The following CREBBP variants were observed in gnomAD, a reference collection of about 807,000 sequenced individuals.
CREBBP encodes the protein CREB binding lysine acetyltransferase, also known as CREB-binding protein.
CREBBP carries 19 observed loss-of-function variants against 265.0 expected under a neutral mutation model. The observed-to-expected ratio is 0.07, with a 90% confidence interval of 0.05 to 0.11. The LOEUF is 0.11. Ranked by LOEUF, CREBBP falls within the 10% of genes least tolerant of loss-of-function variation. The pLI is 1.00. For missense variants in CREBBP, 2,525 were observed against 3,219.0 expected, an observed-to-expected ratio of 0.78 and a Z score of 5.22; for synonymous variants, 1,457 against 1,223.7, an observed-to-expected ratio of 1.19 and a Z score of -3.98.
Position 3,773,805 on chromosome 16 carries a change from G to A in CREBBP, c.2409C>T (p.Ser803=), listed in dbSNP as rs139207930. 654 of 1,613,250 alleles carry A rather than the reference G, an allele frequency of 4.1e-4. 1 individual carries two copies. The highest frequency in any genetic ancestry group is 1.8e-4 in the Middle Eastern group (1 of 5,458). Residue 803 remains serine (S), a synonymous_variant, in exon 13 of 31, where the codon AGC becomes AGT. Transcript: ENST00000262367. ...GCCCCATGCCCACACTCATCGCCCCGCTGGATGACGGGAACTGGTTCTGTG... is the reference window on the plus strand; with the variant it reads ...GCCCCATGCCCACACTCATCGCCCCACTGGATGACGGGAACTGGTTCTGTG... ...FLPQNQFPSS[S]GAMSVGMGQP...
chr16:3,863,588 C>T (rs2055119800), intron 1 of CREBBP, among the ~76,000 whole-genome samples: 1 of 152,022 alleles, frequency 6.6e-6, no homozygotes, highest in East Asian at 1.9e-4. Flanking sequence ...GGTGACAGAG[C>T]AAGATTCTGT....
chr16:3,849,859 C>T (rs920335569), intron 2 of CREBBP, among the ~76,000 whole-genome samples: 1 of 152,120 alleles, frequency 6.6e-6, no homozygotes, highest in Non-Finnish European at 1.5e-5. Flanking sequence ...GGCTCTGCCA[C>T]CTCTTCCTTG....
intron 2 of CREBBP, among the ~76,000 whole-genome samples, chr16:3,834,462 T>C (rs999756136): frequency 2.6e-5 from 4 of 152,128 alleles, no homozygotes; most frequent in African/African-American, 9.7e-5. Context: ...ACACACTGTG[T>C]GACTGTAACT....
In CREBBP at chr16:3,791,604, G is replaced by A. The variant is rs1375156949; in HGVS notation, c.1330+377C>T. Among the ~76,000 whole-genome samples the A allele has an allele frequency of 9.2e-5, 14 of 152,288 alleles. 1 individual carries two copies. Among genetic ancestry groups the A allele is most frequent in the Middle Eastern group, 3.4e-3 (1 of 294 alleles). On this transcript the variant is annotated intron_variant, in intron 5 of 30. Coordinates refer to ENST00000262367, the MANE Select transcript of CREBBP (RefSeq NM_004380.3). ...GTATCCCCTCTATCCCCCTCCCTAAGACGTCACTGCCATTATAGCGACATG... is the reference window on the plus strand; with the variant it reads ...GTATCCCCTCTATCCCCCTCCCTAAAACGTCACTGCCATTATAGCGACATG...
chr16:3,729,954 G>A (rs1261656379), intron 30 of CREBBP, 80 bp from the exon 31 acceptor site: 13 of 1,563,256 alleles, frequency 8.3e-6, no homozygotes, highest in South Asian at 5.8e-5. Context: ...TCCCTCCACC[G>A]CTAAGTCTGG....
At chr16:3,832,235 A>G (rs1040393957) in intron 2 of CREBBP, among the ~76,000 whole-genome samples, 4 of 152,176 alleles carry the variant, frequency 2.6e-5, no homozygotes, top group African/African-American at 4.8e-5. Context: ...GGATCGCTTC[A>G]CTGGTGAATT....
intron 16 of CREBBP, among the ~76,000 whole-genome samples, chr16:3,762,894 C>A (rs1433237701): frequency 6.6e-6 from 1 of 152,050 alleles, no homozygotes; most frequent in African/African-American, 2.4e-5. Flanking sequence ...CCTGCCTCAG[C>A]CTCCCGAGTC....
intron 2 of CREBBP, among the ~76,000 whole-genome samples, chr16:3,826,278 G>C (rs2054235266): frequency 1.3e-5 from 2 of 152,188 alleles, no homozygotes; most frequent in South Asian, 2.1e-4. Context: ...TGTTAAAATT[G>C]ATTTCATTTA....
intron 14 of CREBBP, 80 bp from the exon 15 acceptor site, chr16:3,769,433 CA>C: frequency 6.5e-7 from 1 of 1,532,990 alleles, no homozygotes; most frequent in South Asian, 1.1e-5. Context: ...ATGCAACCTA[CA>C]ATTTCCCATT....
In CREBBP at chr16:3,760,695, T is replaced by G. The variant is rs1014181686; in HGVS notation, c.3251-1723A>C. On this transcript the variant is annotated intron_variant, in intron 16 of 30. Coordinates refer to ENST00000262367, the MANE Select transcript of CREBBP (RefSeq NM_004380.3). ...CTGGGATTACAGGCATGAGCCACTG[T>G]ACCCAGCCATCATGCCCATCTCATT... Among the ~76,000 whole-genome samples the G allele has an allele frequency of 4.6e-5, 7 of 152,086 alleles. No homozygotes were observed. In the East Asian group the frequency reaches 1.4e-3, roughly 29 times the overall value.
rs2051826378 is a variant in CREBBP, at chr16:3,728,839, G to A, written c.6208C>T (p.Leu2070=). The A allele has an allele frequency of 6.2e-7, 1 of 1,613,448 alleles. No individual in the cohort carries two copies. The highest frequency in any genetic ancestry group is 1.7e-5 in the Admixed American group (1 of 60,034). ...CTGGGCGACTTCAGGGTCCGCAGCAGGTCTTGCAGAGCGCTGGGTGAGATG... is the reference window on the plus strand; with the variant it reads ...CTGGGCGACTTCAGGGTCCGCAGCAAGTCTTGCAGAGCGCTGGGTGAGATG... ...RSISPSALQD[L]LRTLKSPSSP... is the part of the protein sequence containing the mutation. Residue 2070 remains leucine, a synonymous_variant, in exon 31 of 31, where the codon CTG becomes TTG. Transcript: ENST00000262367. This position sits in a 1 kb window ranked among gnomAD's most constrained non-coding sequence, Gnocchi z 8.7.
At chr16:3,734,736 C>T (rs765356818) in intron 28 of CREBBP, among the ~76,000 whole-genome samples, 17 of 152,096 alleles carry the variant, frequency 1.1e-4, no homozygotes, top group Non-Finnish European at 1.6e-4. Context: ...TCTGGGGCGC[C>T]GTCCAGCAGG....
intron 19 of CREBBP, among the ~76,000 whole-genome samples, chr16:3,756,174 G>A (rs768003181): frequency 2.0e-5 from 3 of 151,960 alleles, no homozygotes; most frequent in Non-Finnish European, 4.4e-5. Context: ...AATAAAAAAC[G>A]CCAAACCCCA....
chr16:3,825,341 C>T (rs2054217182), intron 2 of CREBBP, among the ~76,000 whole-genome samples: 1 of 152,222 alleles, frequency 6.6e-6, no homozygotes, highest in African/African-American at 2.4e-5. Context: ...CCTGCAATCA[C>T]ACTACTTCAG....
intron 16 of CREBBP, among the ~76,000 whole-genome samples, chr16:3,759,253 T>G: frequency 6.6e-6 from 1 of 152,144 alleles, no homozygotes; most frequent in East Asian, 1.9e-4. Context: ...AAAGTAAAGC[T>G]AACTCCCAAA....
rs374702889 is a variant in CREBBP, at chr16:3,831,110, C to T, written c.798+19187G>A. On this transcript the variant is annotated intron_variant, in intron 2 of 30. Transcript: ENST00000262367. ...TTTCAAGTATAGATAGAATATTTGT[C>T]AAGAAAAACCATTTGCTGGGCCGTA... Among the ~76,000 whole-genome samples, 7 of 152,196 alleles carry T rather than the reference C, an allele frequency of 4.6e-5. No individual in the cohort carries two copies. In the East Asian group the frequency reaches 1.2e-3, roughly 25 times the overall value.
intron 2 of CREBBP, among the ~76,000 whole-genome samples, chr16:3,828,700 C>T (rs182062593): frequency 2.2e-4 from 34 of 152,014 alleles, no homozygotes; most frequent in Middle Eastern, 3.4e-3. Context: ...ATGATGCAGT[C>T]GAAAAAAATA....
rs375500530 is a variant in CREBBP at position 3,758,462 on chromosome 16, A to C, written c.3369+392T>G. 3.3e-5 allele frequency among the ~76,000 whole-genome samples: 5 copies of C among 152,346 alleles called. No individual in the cohort carries two copies. The East Asian group carries it at 7.7e-4, about 24-fold the overall frequency. On this transcript the variant is annotated intron_variant, in intron 17 of 30. Transcript: ENST00000262367. ...AAATATAAACACAAAGCTAGTAATG[A>C]CTGCTACATAGAATCGGCTGGGTCC...
At chr16:3,813,376 T>C (rs760468725) in intron 2 of CREBBP, among the ~76,000 whole-genome samples, 2 of 152,214 alleles carry the variant, frequency 1.3e-5, no homozygotes, top group East Asian at 1.9e-4. Flanking sequence ...GGTAGCTCGA[T>C]AAATATTAAG....
Sources: allele counts gnomAD v4.1 joint callset (sites outside exome capture counted in the v4.1 genomes callset), GRCh38; gene constraint gnomAD v4.1.1; non-coding constraint Gnocchi (gnomAD v3.1); transcripts MANE v1.5; gene names NCBI Gene and HGNC (gene_info 2026-07-23, HGNC 2026-07-21).